COG6: variants seen among roughly 807,000 people sequenced by gnomAD.
The protein encoded by COG6 is conserved oligomeric Golgi complex subunit 6.
A neutral mutation model predicts 88.8 loss-of-function variants in COG6; 74 were observed. That is an observed-to-expected ratio of 0.83 (90% CI 0.69 to 1.01). The LOEUF (loss-of-function observed/expected upper bound fraction) is 1.01, where lower values mean the gene tolerates loss of function less well. Among genes scored for constraint, COG6 ranks in the 50% least tolerant of loss-of-function variants. The pLI, the probability that COG6 is intolerant of heterozygous loss-of-function variation, is 0.00. For missense variants in COG6, 800 were observed against 797.9 expected, an observed-to-expected ratio of 1.00 and a Z score of -0.03; for synonymous variants, 286 against 278.7, an observed-to-expected ratio of 1.03 and a Z score of -0.26.
At chr13:39,785,640 A>G (rs1000875080) in intron 18 of COG6, 1 of 152,216 alleles carries the variant, frequency 6.6e-6, no homozygotes, top group African/African-American at 2.4e-5. Flanking sequence ...CAGAAACAAA[A>G]AGGATCAGAG....
intron 18 of COG6, among the ~76,000 whole-genome samples, chr13:39,728,191 G>T (rs892573416): frequency 6.6e-6 from 1 of 152,054 alleles, no homozygotes; most frequent in Non-Finnish European, 1.5e-5. Context: ...GGCACTAGGA[G>T]TTAAGGCTTA....
At position 39,694,829 on chromosome 13, in the gene COG6, C is replaced by CT. The variant is rs1291445323; in HGVS notation, c.1166+105dup. Reference sequence around the variant, plus strand: ...TTATATTGTGTATAGTAATTATACACTAAGTATAGACTAAGCGTAACTAGT... The same window carrying CT: ...TTATATTGTGTATAGTAATTATACACTTAAGTATAGACTAAGCGTAACTAGT... On this transcript the variant is annotated intron_variant, in intron 12 of 18. Coordinates refer to ENST00000455146, the MANE Select transcript of COG6 (RefSeq NM_020751.3). 6.2e-6 allele frequency: 4 copies of CT among 641,036 alleles called. No homozygotes were observed. In the African/African-American group the frequency reaches 7.4e-5, roughly 12 times the overall value. The allele number at this position is 641,036 out of a possible 1,614,324, so 39.7% of individuals were successfully genotyped here. A position where few individuals can be genotyped will look rare whatever the true frequency, so the allele number is the denominator to read the frequency against.
intron 18 of COG6, among the ~76,000 whole-genome samples, chr13:39,748,539 G>A (rs1442324583): frequency 1.3e-5 from 2 of 151,960 alleles, no homozygotes; most frequent in East Asian, 3.9e-4. Context: ...CACTTGAACC[G>A]GGAAGGCAGA....
intron 18 of COG6, among the ~76,000 whole-genome samples, chr13:39,757,934 A>G (rs974484428): frequency 1.3e-5 from 2 of 152,164 alleles, no homozygotes; most frequent in Non-Finnish European, 2.9e-5. Flanking sequence ...ATAAAAAGAC[A>G]ACCGAGGGCT....
intron 18 of COG6, among the ~76,000 whole-genome samples, chr13:39,761,112 A>T (rs974189238): frequency 1.3e-5 from 2 of 152,072 alleles, no homozygotes; most frequent in African/African-American, 2.4e-5. Flanking sequence ...AGGAGAATTG[A>T]TATCTTTATA....
intron 3 of COG6, among the ~76,000 whole-genome samples, chr13:39,663,360 A>G (rs1187379287): frequency 6.6e-6 from 1 of 152,150 alleles, no homozygotes; most frequent in African/African-American, 2.4e-5. Flanking sequence ...CTAGCCTAAA[A>G]AGCTAGTAAA....
At chr13:39,754,388 TTTA>T (rs542027623), downstream of COG6, among the ~76,000 whole-genome samples, 34 of 152,270 alleles carry the variant, frequency 2.2e-4, no homozygotes, top group South Asian at 6.9e-3. Context: ...TAATACTAAT[TTTA>T]TAGAATGTGG....
At chr13:39,724,601 T>C in intron 17 of COG6, 40 bp downstream of exon 17, 2 of 1,426,360 alleles carry the variant, frequency 1.4e-6, no homozygotes, top group Non-Finnish European at 2.0e-6. Context: ...GATTTCCTTA[T>C]GGATCGATAG....
chr13:39,701,477 G>C (rs1373412617), intron 13 of COG6, among the ~76,000 whole-genome samples: 2 of 151,894 alleles, frequency 1.3e-5, no homozygotes, highest in Admixed American at 1.3e-4. Context: ...CCAGGACACA[G>C]TCTTGGGAAA....
intron 4 of COG6, among the ~76,000 whole-genome samples, chr13:39,666,772 C>A (rs1316825227): frequency 6.6e-6 from 1 of 152,054 alleles, no homozygotes; most frequent in Non-Finnish European, 1.5e-5. Context: ...AAAATGGTAA[C>A]CAATGTAACT....
At chr13:39,725,071 G>A (rs1375634757) in intron 17 of COG6, among the ~76,000 whole-genome samples, 1 of 151,566 alleles carries the variant, frequency 6.6e-6, no homozygotes, top group Non-Finnish European at 1.5e-5. Flanking sequence ...ACTACTTTTT[G>A]TAGTGTGTTT....
chr13:39,771,931 G>A (rs1440567145), intron 18 of COG6, among the ~76,000 whole-genome samples: 1 of 152,188 alleles, frequency 6.6e-6, no homozygotes, highest in Non-Finnish European at 1.5e-5. Context: ...GTGCAAGGTA[G>A]GGGTGAGAAG....
At chr13:39,757,441 G>A (rs1255260465), downstream of COG6, among the ~76,000 whole-genome samples, 1 of 151,328 alleles carries the variant, frequency 6.6e-6, no homozygotes, top group Admixed American at 6.6e-5. Flanking sequence ...CAAGAAAAAA[G>A]GAAATAATAA....
At chr13:39,741,762 A>C (rs974730493) in intron 18 of COG6, among the ~76,000 whole-genome samples, 5 of 152,108 alleles carry the variant, frequency 3.3e-5, no homozygotes, top group Admixed American at 3.3e-4. Flanking sequence ...AACACCACCA[A>C]GATACTCCTC....
chr13:39,697,118 T>C (rs1257377470), intron 12 of COG6, among the ~76,000 whole-genome samples: 2 of 151,336 alleles, frequency 1.3e-5, no homozygotes, highest in Non-Finnish European at 2.9e-5. Flanking sequence ...GTTTTGGCCT[T>C]GTCAGATTTG....
At chr13:39,782,276 C>G (rs1881651870) in intron 18 of COG6, among the ~76,000 whole-genome samples, 1 of 152,206 alleles carries the variant, frequency 6.6e-6, no homozygotes, top group Admixed American at 6.5e-5. Flanking sequence ...ACCCTTCTAT[C>G]TGAAACAACC....
At chr13:39,689,338 T>G (rs781632048) in intron 10 of COG6, among the ~76,000 whole-genome samples, 2 of 152,190 alleles carry the variant, frequency 1.3e-5, no homozygotes, top group South Asian at 4.1e-4. Context: ...TTTCAAGGTA[T>G]ATTTTTCATC....
intron 4 of COG6, among the ~76,000 whole-genome samples, chr13:39,668,555 G>A (rs11843947): frequency 0.015 from 2,245 of 152,206 alleles, 48 homozygotes; most frequent in African/African-American, 0.048. Context: ...TTGGGAGGCC[G>A]AGGTGGGCGG....
intron 18 of COG6, among the ~76,000 whole-genome samples, chr13:39,743,746 CATGTT>C (rs1880180851): frequency 1.3e-5 from 2 of 152,160 alleles, no homozygotes; most frequent in Non-Finnish European, 2.9e-5. Context: ...CTCCCTAACT[CATGTT>C]ATGAGGCCAG....
Sources: allele counts gnomAD v4.1 joint callset (sites outside exome capture counted in the v4.1 genomes callset), GRCh38; gene constraint gnomAD v4.1.1; transcripts MANE v1.5; gene names NCBI Gene and HGNC (gene_info 2026-07-23, HGNC 2026-07-21).